Variants in BACH2 observed in about 807,000 individuals in gnomAD.
BACH2 encodes BACH transcriptional regulator 2, also known as transcription regulator protein BACH2.
In BACH2, 5 loss-of-function variants were observed where a neutral mutation model predicts 61.8. The observed-to-expected ratio is 0.08, with a 90% CI of 0.04 to 0.17. The LOEUF is 0.17. BACH2 is among the 10% of genes least tolerant of loss of function. The pLI is 1.00. For synonymous variants in BACH2, 446 were observed against 440.1 expected (o/e 1.01, Z -0.17); for missense variants, 824 against 1,091.1 (o/e 0.76, Z 3.45).
intron 5 of BACH2, among the ~76,000 whole-genome samples, chr6:90,074,417 T>A (rs1207642359): frequency 1.3e-5 from 2 of 152,156 alleles, no homozygotes; most frequent in Admixed American, 1.3e-4. Context: ...CGCTGGGAAC[T>A]CAGGGACGAT....
rs1442163306 is a variant in BACH2 at position 90,254,219 on chromosome 6, A to G, written c.-352-1629T>C. On this transcript the variant is annotated intron_variant, in intron 2 of 8. Coordinates refer to ENST00000257749, the MANE Select transcript of BACH2 (RefSeq NM_021813.4). ...CAATATCTAGTATGAAGCTTGGTAA[A>G]GAGTTGATGAATAGAAATAAATGAT... is the stretch of plus-strand genomic sequence containing the variant. Among the ~76,000 whole-genome samples, 3 of 151,882 alleles carry G rather than the reference A, an allele frequency of 2.0e-5. No homozygotes were observed. The East Asian group carries it at 5.8e-4, about 29-fold the overall frequency.
At chr6:89,953,758 C>G (rs1156772715) in intron 6 of BACH2, among the ~76,000 whole-genome samples, 1 of 152,184 alleles carries the variant, frequency 6.6e-6, no homozygotes, top group Middle Eastern at 3.2e-3. Context: ...GGTGACAACA[C>G]AGTATGTTTA....
chr6:89,997,844 A>T (rs148982395), intron 6 of BACH2, among the ~76,000 whole-genome samples: 5 of 152,302 alleles, frequency 3.3e-5, no homozygotes, highest in Non-Finnish European at 7.3e-5. Flanking sequence ...CTGCTCATAG[A>T]CTGCCCTGCC....
intron 1 of BACH2, among the ~76,000 whole-genome samples, chr6:90,295,824 T>A (rs1047876888): frequency 6.6e-6 from 1 of 152,250 alleles, no homozygotes; most frequent in East Asian, 1.9e-4. Context: ...GATCCAGGTC[T>A]GCGCCGCGAG....
At chr6:89,946,673 G>C (rs887766311) in intron 7 of BACH2, among the ~76,000 whole-genome samples, 21 of 152,114 alleles carry the variant, frequency 1.4e-4, no homozygotes, top group African/African-American at 4.8e-4. Context: ...AGACAGCTAC[G>C]TGAAAAAAGG....
chr6:90,223,260 A>G (rs1294127084), intron 3 of BACH2, among the ~76,000 whole-genome samples: 4 of 152,238 alleles, frequency 2.6e-5, no homozygotes, highest in African/African-American at 9.6e-5. Flanking sequence ...GCACTGGGGA[A>G]GCAAAGCTAC....
At chr6:90,121,997 T>C (rs1182979439) in intron 4 of BACH2, among the ~76,000 whole-genome samples, 2 of 152,214 alleles carry the variant, frequency 1.3e-5, no homozygotes, top group East Asian at 3.8e-4. Context: ...GTTCAATGAA[T>C]ATGACCCTTC....
intron 3 of BACH2, among the ~76,000 whole-genome samples, chr6:90,216,000 C>T (rs1562509312): frequency 6.6e-6 from 1 of 152,164 alleles, no homozygotes; most frequent in Non-Finnish European, 1.5e-5. Flanking sequence ...TGGATGACTG[C>T]ACACTGATGT....
chr6:89,969,452 A>G (rs1254451249), intron 6 of BACH2, among the ~76,000 whole-genome samples: 1 of 151,880 alleles, frequency 6.6e-6, no homozygotes, highest in Non-Finnish European at 1.5e-5. Context: ...CATTGTTGAG[A>G]CTCCTGGTGC....
intron 4 of BACH2, among the ~76,000 whole-genome samples, chr6:90,204,203 A>G (rs1769058478): frequency 6.6e-6 from 1 of 152,166 alleles, no homozygotes; most frequent in South Asian, 2.1e-4. Flanking sequence ...GGAAGAAAGG[A>G]GAGCATTACA....
Position 89,928,005 on chromosome 6 carries a change from A to T in BACH2, c.*4403T>A, listed in dbSNP as rs1772443586. ...CACACAGATTTCCTGTATGAATACCAACTCCACACAGGGCATTGTATTGTG... is the reference window on the plus strand; with the variant it reads ...CACACAGATTTCCTGTATGAATACCTACTCCACACAGGGCATTGTATTGTG... On this transcript the variant is annotated 3_prime_UTR_variant, in exon 9 of 9. Coordinates refer to ENST00000257749, the MANE Select transcript of BACH2 (RefSeq NM_021813.4). 1 of 152,370 alleles carries T rather than the reference A, an allele frequency of 6.6e-6. No individual in the cohort carries two copies. The allele number at this position is 152,370 out of a possible 1,614,324, so 9.4% of individuals were successfully genotyped here.
At chr6:90,197,634 A>G (rs2127846669) in intron 4 of BACH2, among the ~76,000 whole-genome samples, 1 of 152,282 alleles carries the variant, frequency 6.6e-6, no homozygotes, top group South Asian at 2.1e-4. Flanking sequence ...GCAGCAGCAC[A>G]CTTTGAGTAT....
chr6:89,959,582 A>C (rs954506443), intron 6 of BACH2, among the ~76,000 whole-genome samples: 1 of 152,348 alleles, frequency 6.6e-6, no homozygotes, highest in East Asian at 1.9e-4. Flanking sequence ...GCCAGAACCA[A>C]AACTATTATC....
chr6:89,934,771 T>A (rs914630847), intron 8 of BACH2, among the ~76,000 whole-genome samples: 9 of 151,952 alleles, frequency 5.9e-5, no homozygotes, highest in Admixed American at 4.6e-4. Context: ...TGAAGTCAGT[T>A]CTCACCAACC....
chr6:90,284,822 T>C (rs961869494), intron 1 of BACH2, among the ~76,000 whole-genome samples: 5 of 152,206 alleles, frequency 3.3e-5, no homozygotes, highest in Non-Finnish European at 7.3e-5. Flanking sequence ...TGCACTGTGT[T>C]ATTATTAGAA....
At chr6:90,192,083 A>C (rs927390513) in intron 4 of BACH2, among the ~76,000 whole-genome samples, 1 of 152,252 alleles carries the variant, frequency 6.6e-6, no homozygotes, top group Non-Finnish European at 1.5e-5. Context: ...TGTGTTTTAA[A>C]GTAACAGAAC....
chr6:90,231,652 TAACA>T (rs371392905), intron 3 of BACH2, among the ~76,000 whole-genome samples: 1 of 152,214 alleles, frequency 6.6e-6, no homozygotes, highest in African/African-American at 2.4e-5. Flanking sequence ...ATTTCATGTA[TAACA>T]ACCAACCAAA....
At chr6:90,107,387 A>C (rs1782969874) in intron 4 of BACH2, among the ~76,000 whole-genome samples, 3 of 152,130 alleles carry the variant, frequency 2.0e-5, no homozygotes. Context: ...AAACAAAAAA[A>C]CAAAACAAAA....
chr6:90,167,182 C>T (rs994802524), intron 4 of BACH2, among the ~76,000 whole-genome samples: 2 of 152,146 alleles, frequency 1.3e-5, no homozygotes, highest in South Asian at 2.1e-4. Flanking sequence ...GTATCATTTG[C>T]CTCTTCCTCA....
Sources: allele counts gnomAD v4.1 joint callset (sites outside exome capture counted in the v4.1 genomes callset), GRCh38; gene constraint gnomAD v4.1.1; transcripts MANE v1.5; gene names NCBI Gene and HGNC (gene_info 2026-07-23, HGNC 2026-07-21).